Variants in PRDM16 observed in about 807,000 individuals in gnomAD.
PRDM16 encodes histone-lysine N-methyltransferase PRDM16.
In PRDM16, 23 loss-of-function variants were observed where a neutral mutation model predicts 110.6. The ratio of observed to expected loss-of-function variants is 0.21; its 90% CI spans 0.15 to 0.29. The LOEUF (loss-of-function observed/expected upper bound fraction) is 0.29, where lower values mean the gene tolerates loss of function less well. Among genes scored for constraint, PRDM16 ranks in the 10% least tolerant of loss-of-function variants. The pLI, the probability that PRDM16 is intolerant of heterozygous loss-of-function variation, is 1.00. For synonymous variants in PRDM16, 799 were observed against 781.8 expected, an observed-to-expected ratio of 1.02 and a Z score of -0.37; for missense variants, 1,615 against 1,794.3, an observed-to-expected ratio of 0.90 and a Z score of 1.81.
At chr1:3,326,732 G>A (rs1261104022) in intron 3 of PRDM16, among the ~76,000 whole-genome samples, 1 of 152,252 alleles carries the variant, frequency 6.6e-6, no homozygotes, top group Non-Finnish European at 1.5e-5. Context: ...GTGGCTTTCA[G>A]GCCTCTGGCA....
rs1213835786 is a variant in PRDM16 at position 3,080,068 on chromosome 1, C to T, written c.37+10772C>T. Among the ~76,000 whole-genome samples, 1 of 152,206 alleles carries T rather than the reference C, an allele frequency of 6.6e-6. No individual in the cohort carries two copies. The highest frequency in any genetic ancestry group is 1.5e-5 in the Non-Finnish European group (1 of 68,034). Reference sequence around the variant, plus strand: ...AAGTTCAAAGGTGGAGAGGCGGCAGCGATCTGGAGCACTTTTCCGCACGCT... The same window carrying T: ...AAGTTCAAAGGTGGAGAGGCGGCAGTGATCTGGAGCACTTTTCCGCACGCT... On this transcript the variant is annotated intron_variant, in intron 1 of 16. Coordinates refer to ENST00000270722, the MANE Select transcript of PRDM16 (RefSeq NM_022114.4). This position sits in a 1 kb window ranked among gnomAD's most constrained non-coding sequence, Gnocchi z 5.2.
intron 1 of PRDM16, among the ~76,000 whole-genome samples, chr1:3,108,280 C>T (rs1210248519): frequency 6.6e-6 from 1 of 152,196 alleles, no homozygotes; most frequent in African/African-American, 2.4e-5. Context: ...TTTTACTTTC[C>T]ATCATGAAGT....
chr1:3,232,255 C>T (rs529778295), intron 2 of PRDM16, among the ~76,000 whole-genome samples: 5 of 152,324 alleles, frequency 3.3e-5, no homozygotes, highest in South Asian at 2.1e-4. Context: ...GCGAATGGCT[C>T]GGATAATGCC....
At chr1:3,159,293 G>A (rs1643881118) in intron 1 of PRDM16, among the ~76,000 whole-genome samples, 1 of 152,246 alleles carries the variant, frequency 6.6e-6, no homozygotes, top group Non-Finnish European at 1.5e-5. Flanking sequence ...GCCAGCAAGG[G>A]CCGCCATCAC....
At chr1:3,096,669 G>A (rs1026697721) in intron 1 of PRDM16, among the ~76,000 whole-genome samples, 3 of 152,158 alleles carry the variant, frequency 2.0e-5, no homozygotes, top group Admixed American at 6.5e-5. Context: ...CTGGACCAGC[G>A]AGGAAGACGG....
intron 3 of PRDM16, among the ~76,000 whole-genome samples, chr1:3,302,212 A>G (rs1641221170): frequency 6.6e-6 from 1 of 152,086 alleles, no homozygotes; most frequent in South Asian, 2.1e-4. Flanking sequence ...CCCCTTATCT[A>G]ACACAGGCGT....
chr1:3,338,165 AG>A (rs1404967314), intron 3 of PRDM16, among the ~76,000 whole-genome samples: 2 of 152,220 alleles, frequency 1.3e-5, no homozygotes, highest in African/African-American at 2.4e-5. Flanking sequence ...CCAGAGAAAC[AG>A]GCGCAGCCGA....
chr1:3,377,088 A>G (rs1643004913), intron 3 of PRDM16, among the ~76,000 whole-genome samples: 2 of 152,240 alleles, frequency 1.3e-5, no homozygotes, highest in Admixed American at 6.5e-5. Context: ...ACGTGTGCGC[A>G]TGTGCCTATG....
chr1:3,242,624 A>G (rs796692535), intron 2 of PRDM16, among the ~76,000 whole-genome samples: 5 of 152,328 alleles, frequency 3.3e-5, no homozygotes, highest in African/African-American at 1.2e-4. Flanking sequence ...TCTAGCAGCC[A>G]TCACTGCCAT....
chr1:3,418,093 C>T, intron 11 of PRDM16, 96 bp downstream of exon 11: 5 of 1,052,966 alleles, frequency 4.7e-6, no homozygotes, highest in Non-Finnish European at 6.9e-6. Context: ...AACTCAGAGT[C>T]CCGGCCATAG....
At chr1:3,181,001 T>TAC (rs1183473421) in intron 1 of PRDM16, among the ~76,000 whole-genome samples, 8 of 132,086 alleles carry the variant, frequency 6.1e-5, no homozygotes, top group Admixed American at 1.5e-4. Flanking sequence ...CACACGATCT[T>TAC]ACACGCGGTC....
intron 5 of PRDM16, among the ~76,000 whole-genome samples, chr1:3,399,998 TC>T (rs1643441250): frequency 6.6e-6 from 1 of 152,146 alleles, no homozygotes; most frequent in African/African-American, 2.4e-5. Flanking sequence ...CAGGGCTTGT[TC>T]CCCAGTGAAA....
intron 1 of PRDM16, among the ~76,000 whole-genome samples, chr1:3,141,188 C>T (rs545006908): frequency 6.6e-6 from 1 of 152,342 alleles, no homozygotes; most frequent in Admixed American, 6.5e-5. Flanking sequence ...CGTCCGCCCG[C>T]TTCTCATCCC....
intron 5 of PRDM16, among the ~76,000 whole-genome samples, chr1:3,398,098 T>C (rs1643414090): frequency 6.6e-6 from 1 of 152,202 alleles, no homozygotes; most frequent in Non-Finnish European, 1.5e-5. Context: ...AAAATAATTG[T>C]TGAAAAGATC....
At chr1:3,340,440 C>T (rs1477746333) in intron 3 of PRDM16, among the ~76,000 whole-genome samples, 1 of 152,204 alleles carries the variant, frequency 6.6e-6, no homozygotes, top group African/African-American at 2.4e-5. Context: ...AACACCCGCT[C>T]CCGGAGAGCC....
At chr1:3,186,496 T>C (rs1175937439) in intron 2 of PRDM16, 22 bp downstream of exon 2, 2 of 1,385,682 alleles carry the variant, frequency 1.4e-6, no homozygotes, top group Middle Eastern at 1.9e-4. Context: ...CGCCTGAGTA[T>C]GATTGATCAC....
intron 2 of PRDM16, among the ~76,000 whole-genome samples, chr1:3,196,958 C>A (rs1196373177): frequency 1.3e-5 from 2 of 152,178 alleles, no homozygotes; most frequent in Non-Finnish European, 2.9e-5. Context: ...ACTGGGGGAC[C>A]CCACTGTTGC....
At chr1:3,330,829 T>C (rs372183937) in intron 3 of PRDM16, among the ~76,000 whole-genome samples, 2 of 152,214 alleles carry the variant, frequency 1.3e-5, no homozygotes, top group South Asian at 2.1e-4. Context: ...CCCTGGTTCA[T>C]ACAGGCCCGA....
chr1:3,127,696 A>G (rs2100675596), intron 1 of PRDM16, among the ~76,000 whole-genome samples: 1 of 152,360 alleles, frequency 6.6e-6, no homozygotes, highest in South Asian at 2.1e-4. Flanking sequence ...CCCCTGGGCC[A>G]TGTCCCCCTT....
Sources: allele counts gnomAD v4.1 joint callset (sites outside exome capture counted in the v4.1 genomes callset), GRCh38; gene constraint gnomAD v4.1.1; non-coding constraint Gnocchi (gnomAD v3.1); transcripts MANE v1.5; gene names NCBI Gene and HGNC (gene_info 2026-07-23, HGNC 2026-07-21).